EPB41L1: variants seen among roughly 807,000 people sequenced by gnomAD.
EPB41L1 encodes band 4.1-like protein 1.
Under a neutral mutation model 97.8 loss-of-function variants are expected in EPB41L1, and 29 were observed. The observed-to-expected ratio is 0.30, with a 90% CI of 0.22 to 0.40. EPB41L1 has a LOEUF of 0.40. Ranked by LOEUF, EPB41L1 falls within the 10% of genes least tolerant of loss-of-function variation. EPB41L1 has a pLI of 1.00. For missense variants in EPB41L1, 812 were observed against 1,162.3 expected (o/e 0.70, Z 4.38); for synonymous variants, 383 against 459.2 (o/e 0.83, Z 2.12).
At chr20:36,112,315 G>T (rs1484018448) in intron 1 of EPB41L1, 1 of 152,216 alleles carries the variant, frequency 6.6e-6, no homozygotes, top group African/African-American at 2.4e-5. Context: ...AACAGGTTCA[G>T]CAACTTCCCT....
At chr20:36,161,594 G>A (rs914263297) in intron 1 of EPB41L1, among the ~76,000 whole-genome samples, 4 of 151,862 alleles carry the variant, frequency 2.6e-5, no homozygotes, top group Non-Finnish European at 5.9e-5. Flanking sequence ...TCCTGCCTTG[G>A]CCTCCCAAGT....
At chr20:36,201,086 C>T (rs1490336954) in intron 14 of EPB41L1, 1 of 405,014 alleles carries the variant, frequency 2.5e-6, no homozygotes, top group East Asian at 7.2e-5. Flanking sequence ...CCAGATTCTG[C>T]CAAGCAGTTG....
intron 1 of EPB41L1, 96 bp from the exon 2 acceptor site, chr20:36,173,668 C>T: frequency 1.8e-6 from 2 of 1,129,162 alleles, no homozygotes; most frequent in Admixed American, 3.4e-5. Context: ...GTCCGTTTGC[C>T]TCCATCTGTC....
chr20:36,129,349 C>T (rs1253557280), intron 2 of EPB41L1, among the ~76,000 whole-genome samples: 6 of 151,990 alleles, frequency 3.9e-5, no homozygotes, highest in African/African-American at 1.5e-4. Flanking sequence ...TAAGTTACCG[C>T]TTCTCCTGGG....
chr20:36,123,937 G>A (rs1326297808), intron 2 of EPB41L1, among the ~76,000 whole-genome samples: 3 of 152,190 alleles, frequency 2.0e-5, no homozygotes, highest in African/African-American at 7.2e-5. Context: ...CCAAGTGGCA[G>A]CCAGAGTGAA....
chr20:36,094,270 A>G (rs902816845), intron 1 of EPB41L1, among the ~76,000 whole-genome samples: 1 of 152,222 alleles, frequency 6.6e-6, no homozygotes, highest in African/African-American at 2.4e-5. Flanking sequence ...GTGGGTTTGC[A>G]GAGAAGTGGC....
chr20:36,190,438 G>A lies in EPB41L1; in HGVS notation c.1124+64G>A, dbSNP rs2061896688. On this transcript the variant is annotated intron_variant, in intron 10 of 21. Transcript: ENST00000338074. This position sits in a 1 kb window ranked among gnomAD's most constrained non-coding sequence, Gnocchi z 5.8. ...GAGGCCATGTGTATGGAGGGGAGCA[G>A]GGGGAGGAGTTAGTGAGAACTCTAG... 1 of 1,572,510 alleles carries A rather than the reference G, an allele frequency of 6.4e-7. No individual in the cohort carries two copies. The highest frequency in any genetic ancestry group is 1.7e-5 in the Admixed American group (1 of 57,542).
At chr20:36,226,561 CT>C (rs1308178548) in intron 21 of EPB41L1, among the ~76,000 whole-genome samples, 2 of 152,150 alleles carry the variant, frequency 1.3e-5, no homozygotes, top group Non-Finnish European at 2.9e-5. Flanking sequence ...TGGTCTTGAC[CT>C]TTTCACCACA....
intron 1 of EPB41L1, among the ~76,000 whole-genome samples, chr20:36,168,592 G>A (rs1408452252): frequency 1.3e-5 from 2 of 151,046 alleles, no homozygotes; most frequent in South Asian, 2.1e-4. Context: ...GTGCAGTGGC[G>A]CGATCTCGGC....
chr20:36,183,392 G>A (rs1226695046), intron 6 of EPB41L1, among the ~76,000 whole-genome samples: 1 of 152,372 alleles, frequency 6.6e-6, no homozygotes, highest in Admixed American at 6.5e-5. Context: ...AACAGATCAG[G>A]CCTGGGCTTT....
intron 15 of EPB41L1, among the ~76,000 whole-genome samples, chr20:36,211,299 T>C (rs943163275): frequency 1.3e-5 from 2 of 151,976 alleles, no homozygotes; most frequent in African/African-American, 4.8e-5. Context: ...GAGAATCACT[T>C]GAACTCAGGA....
chr20:36,193,049 A>T (rs983185407), intron 11 of EPB41L1, among the ~76,000 whole-genome samples: 4 of 152,226 alleles, frequency 2.6e-5, no homozygotes, highest in Admixed American at 6.5e-5. Context: ...GGGTAGACAG[A>T]GGACTGACAA....
chr20:36,164,001 A>T (rs1159469972), intron 1 of EPB41L1, among the ~76,000 whole-genome samples: 1 of 151,820 alleles, frequency 6.6e-6, no homozygotes, highest in Non-Finnish European at 1.5e-5. Context: ...CTGCCACCAC[A>T]CCCAGTTAAT....
chr20:36,127,677 C>A (rs997952074), intron 2 of EPB41L1, among the ~76,000 whole-genome samples: 1 of 152,120 alleles, frequency 6.6e-6, no homozygotes, highest in East Asian at 1.9e-4. Flanking sequence ...CTCGGTTTCC[C>A]TACCTGTAAA....
chr20:36,200,371 G>A (rs575555958), intron 14 of EPB41L1, among the ~76,000 whole-genome samples: 1 of 152,216 alleles, frequency 6.6e-6, no homozygotes, highest in Admixed American at 6.5e-5. Context: ...TCCTGAAGAT[G>A]CCTGTGTCAT....
At chr20:36,138,905 G>T (rs1159866430) in intron 2 of EPB41L1, among the ~76,000 whole-genome samples, 3 of 151,116 alleles carry the variant, frequency 2.0e-5, no homozygotes, top group Admixed American at 1.3e-4. Context: ...CTCTTGCCTT[G>T]TGTGTGTTCA....
At position 36,206,196 on chromosome 20, in the gene EPB41L1, C is replaced by T. The variant is rs1238492761; in HGVS notation, c.1669-3292C>T. ...CATTGGCAGAAAAGCTCCTCGAGGG[C>T]TCTGAGCTCAGGGCAGACACCAGAG... On this transcript the variant is annotated intron_variant, in intron 14 of 21. Transcript: ENST00000338074. The surrounding 1 kb of genome is among the most constrained non-coding windows in gnomAD (Gnocchi z 5.5). 7.8e-7 allele frequency: 1 copy of T among 1,289,898 alleles called. No individual in the cohort carries two copies. Among genetic ancestry groups the T allele is most frequent in the Admixed American group, 2.3e-5 (1 of 43,576 alleles). 79.9% of individuals were successfully genotyped at this position (1,289,898 alleles called of 1,614,324 possible).
Position 36,221,797 on chromosome 20 carries a change from G to C in EPB41L1, c.2440-67G>C. 5 of 1,351,632 alleles carry C rather than the reference G, an allele frequency of 3.7e-6. 1 individual carries two copies. In the South Asian group the frequency reaches 5.8e-5, roughly 16 times the overall value. The allele number at this position is 1,351,632 out of a possible 1,614,324, so 83.7% of individuals were successfully genotyped here. A position where few individuals can be genotyped will look rare whatever the true frequency, so the allele number is the denominator to read the frequency against. On this transcript the variant is annotated intron_variant, in intron 19 of 21. Transcript: ENST00000338074. The stretch of plus-strand genomic sequence containing the variant: ...CTGCCCTCGAGAGATGATTTGGGTA[G>C]GTCCCCTCTTGAGGCTGCTGCCCCA...
intron 2 of EPB41L1, among the ~76,000 whole-genome samples, chr20:36,147,072 G>A (rs986489565): frequency 1.3e-5 from 2 of 151,958 alleles, no homozygotes; most frequent in South Asian, 2.1e-4. Flanking sequence ...ACCTCAGCCC[G>A]GGGAAGTTGA....
Sources: gnomAD v4.1 joint callset for allele counts (sites outside exome capture counted in the v4.1 genomes callset) on GRCh38, gnomAD v4.1.1 for gene constraint, Gnocchi (gnomAD v3.1) non-coding constraint, MANE v1.5 for transcripts, NCBI Gene and HGNC (gene_info 2026-07-23, HGNC 2026-07-21) for gene names.